SHTN1: variants seen among roughly 807,000 people sequenced by gnomAD.
SHTN1 encodes shootin-1.
A neutral mutation model predicts 83.1 loss-of-function variants in SHTN1; 42 were observed. The ratio of observed to expected loss-of-function variants is 0.51; its 90% CI spans 0.39 to 0.65. The LOEUF (loss-of-function observed/expected upper bound fraction) is 0.65, where lower values mean the gene tolerates loss of function less well. Among genes scored for constraint, SHTN1 ranks in the 30% least tolerant of loss-of-function variants. The probability of loss-of-function intolerance (pLI) is 0.00; values close to 1 mark genes in which losing one functional copy is unlikely to be tolerated. For synonymous variants in SHTN1, 224 were observed against 247.7 expected (o/e 0.90, Z 0.90); for missense variants, 622 against 737.8 (o/e 0.84, Z 1.82).
At chr10:117,067,976 G>T (rs1853027176) in intron 1 of SHTN1, among the ~76,000 whole-genome samples, 1 of 152,142 alleles carries the variant, frequency 6.6e-6, no homozygotes, top group African/African-American at 2.4e-5. Flanking sequence ...TTGAAGTAGA[G>T]ACATAAAGAG....
At chr10:117,023,346 C>T (rs1266863949) in intron 2 of SHTN1, among the ~76,000 whole-genome samples, 5 of 152,112 alleles carry the variant, frequency 3.3e-5, no homozygotes, top group Admixed American at 6.5e-5. Context: ...AGTCCCATCC[C>T]CTTCCTAGAT....
intron 1 of SHTN1, among the ~76,000 whole-genome samples, chr10:116,981,273 C>T (rs1851010232): frequency 2.6e-5 from 4 of 152,006 alleles, no homozygotes; most frequent in Non-Finnish European, 1.5e-5. Flanking sequence ...GAGCCAAGAA[C>T]GCACCACAGC....
intron 9 of SHTN1, among the ~76,000 whole-genome samples, chr10:116,938,932 A>C (rs1344835817): frequency 1.3e-5 from 2 of 152,238 alleles, no homozygotes; most frequent in Non-Finnish European, 2.9e-5. Flanking sequence ...GGCTCGGCCC[A>C]GTCCGAACTT....
chr10:117,094,869 TAA>T, intron 1 of SHTN1, among the ~76,000 whole-genome samples: 1 of 152,330 alleles, frequency 6.6e-6, no homozygotes, highest in African/African-American at 2.4e-5. Flanking sequence ...TGAATCTCGA[TAA>T]GTTACATAAT....
At chr10:117,100,966 C>T (rs1853583147) in intron 1 of SHTN1, among the ~76,000 whole-genome samples, 1 of 152,206 alleles carries the variant, frequency 6.6e-6, no homozygotes, top group South Asian at 2.1e-4. Context: ...CACAGAGTCA[C>T]ATTATGCAGA....
intron 12 of SHTN1, among the ~76,000 whole-genome samples, chr10:116,915,827 C>G (rs1032879369): frequency 2.0e-5 from 3 of 152,142 alleles, no homozygotes; most frequent in Non-Finnish European, 4.4e-5. Context: ...CCCAAATAAT[C>G]TTTGTCTCAA....
At chr10:117,056,333 T>C (rs1174185952) in intron 1 of SHTN1, among the ~76,000 whole-genome samples, 4 of 152,154 alleles carry the variant, frequency 2.6e-5, no homozygotes, top group South Asian at 2.1e-4. Flanking sequence ...GCAAATCAAA[T>C]GAAGCAATGT....
upstream of SHTN1, among the ~76,000 whole-genome samples, chr10:117,008,201 G>T (rs983828987): frequency 1.3e-5 from 2 of 152,012 alleles, no homozygotes; most frequent in Non-Finnish European, 2.9e-5. Context: ...TCAGGATAAT[G>T]GCTGTCTCTA....
At chr10:116,932,020 T>G (rs895448094) in intron 9 of SHTN1, among the ~76,000 whole-genome samples, 10 of 152,218 alleles carry the variant, frequency 6.6e-5, no homozygotes, top group Non-Finnish European at 1.5e-5. Context: ...GTTTTTCGAC[T>G]TTACAATGGT....
intron 11 of SHTN1, among the ~76,000 whole-genome samples, chr10:116,923,477 A>G (rs560951277): frequency 6.6e-6 from 1 of 152,246 alleles, no homozygotes; most frequent in East Asian, 1.9e-4. Flanking sequence ...AAGGCATAAC[A>G]TTGCCCTTAG....
At position 116,881,626 on chromosome 10, in the gene SHTN1, A is replaced by T. The variant is rs1164132349; in HGVS notation, c.*4718T>A. 1 of 1,550,300 alleles carries T rather than the reference A, an allele frequency of 6.5e-7. No homozygotes were observed. Among genetic ancestry groups the T allele is most frequent in the Admixed American group, 2.0e-5 (1 of 50,954 alleles). ...CCGCTGGTGCCCACCTTCCCCACAC[A>T]AGGTGTAGAGGAATCAGCCGAAACA... On this transcript the variant is annotated 3_prime_UTR_variant, in exon 17 of 17. Coordinates refer to ENST00000355371, the MANE Select transcript of SHTN1 (RefSeq NM_001127211.3).
At chr10:117,025,689 G>A (rs1852324856) in intron 2 of SHTN1, among the ~76,000 whole-genome samples, 1 of 152,132 alleles carries the variant, frequency 6.6e-6, no homozygotes, top group Non-Finnish European at 1.5e-5. Flanking sequence ...AGGGAAAAGT[G>A]GGGAGAACTT....
chr10:117,120,278 C>A (rs188784262), intron 1 of SHTN1, among the ~76,000 whole-genome samples: 1 of 146,168 alleles, frequency 6.8e-6, no homozygotes, highest in Non-Finnish European at 1.5e-5. Flanking sequence ...GACTGAGTCT[C>A]GCTCTGTTGC....
chr10:116,930,294 G>T (rs77167404), intron 9 of SHTN1, among the ~76,000 whole-genome samples: 1 of 152,012 alleles, frequency 6.6e-6, no homozygotes, highest in Non-Finnish European at 1.5e-5. Context: ...TAGGTAAATT[G>T]TGTGTCACAG....
chr10:117,083,357 A>G (rs1853301472), intron 1 of SHTN1, among the ~76,000 whole-genome samples: 1 of 148,778 alleles, frequency 6.7e-6, no homozygotes. Context: ...AATGTTGAAT[A>G]TTGGCCCCCA....
At chr10:117,041,125 G>GT (rs1852578886) in intron 2 of SHTN1, among the ~76,000 whole-genome samples, 1 of 151,264 alleles carries the variant, frequency 6.6e-6, no homozygotes. Flanking sequence ...AGGCCCCGGT[G>GT]TTTAAAATGT....
intron 2 of SHTN1, among the ~76,000 whole-genome samples, chr10:117,046,042 T>C (rs909117358): frequency 1.3e-5 from 2 of 152,112 alleles, no homozygotes; most frequent in Non-Finnish European, 1.5e-5. Flanking sequence ...ATCAATGTGC[T>C]TTATAATTGG....
At chr10:116,900,582 T>A in intron 16 of SHTN1, 1 of 1,531,374 alleles carries the variant, frequency 6.5e-7, no homozygotes, top group Non-Finnish European at 8.7e-7. Context: ...ACACACACAC[T>A]GAAGCATTTA....
chr10:116,952,023 A>C lies in SHTN1; in HGVS notation c.437-17T>G. ...CTCGAAGTTCTGCATTTTTAAAGAA[A>C]AAAAATATATAAATAAACTTATTTT... On this transcript the variant is annotated splice_polypyrimidine_tract_variant and intron_variant, in intron 5 of 16. Transcript: ENST00000355371. The C allele has an allele frequency of 7.7e-7, 1 of 1,303,792 alleles. No homozygotes were observed. Among genetic ancestry groups the C allele is most frequent in the Non-Finnish European group, 1.0e-6 (1 of 960,556 alleles). 80.8% of individuals were successfully genotyped at this position (1,303,792 alleles called of 1,614,324 possible).
Sources: gnomAD v4.1 joint callset for allele counts (sites outside exome capture counted in the v4.1 genomes callset) on GRCh38, gnomAD v4.1.1 for gene constraint, MANE v1.5 for transcripts, NCBI Gene and HGNC (gene_info 2026-07-23, HGNC 2026-07-21) for gene names.